PCDH15: variants seen among roughly 807,000 people sequenced by gnomAD.
PCDH15 encodes the protein protocadherin-15.
Under a neutral mutation model 178.5 loss-of-function variants are expected in PCDH15, and 129 were observed. The ratio of observed to expected loss-of-function variants is 0.72; its 90% CI spans 0.63 to 0.84. The LOEUF (loss-of-function observed/expected upper bound fraction) is 0.84. PCDH15 is among the 40% of genes least tolerant of loss of function. PCDH15 has a pLI of 0.00. For synonymous variants in PCDH15, 800 were observed against 732.0 expected (o/e 1.09, Z -1.50); for missense variants, 2,230 against 2,099.9 (o/e 1.06, Z -1.21).
chr10:55,243,892 G>A (rs776422225), intron 1 of PCDH15, among the ~76,000 whole-genome samples: 1 of 151,994 alleles, frequency 6.6e-6, no homozygotes, highest in Non-Finnish European at 1.5e-5. Context: ...AATGTGAATG[G>A]CTACTTCTCA....
intron 1 of PCDH15, among the ~76,000 whole-genome samples, chr10:55,284,013 A>G (rs1192484180): frequency 6.8e-6 from 1 of 146,544 alleles, no homozygotes; most frequent in African/African-American, 2.8e-5. Flanking sequence ...ATTAAACTCA[A>G]TCTTGACTCT....
intron 3 of PCDH15, chr10:54,486,451 C>T (rs972957092): frequency 1.3e-5 from 2 of 151,970 alleles, no homozygotes; most frequent in Admixed American, 1.3e-4. Context: ...CACATTTGTA[C>T]TTATGATGTA....
chr10:54,209,675 T>C (rs553711482), intron 10 of PCDH15, among the ~76,000 whole-genome samples: 1 of 152,200 alleles, frequency 6.6e-6, no homozygotes, highest in African/African-American at 2.4e-5. Flanking sequence ...TGAAAAGATG[T>C]CCGTAGGCAT....
intron 1 of PCDH15, among the ~76,000 whole-genome samples, chr10:55,290,130 C>T (rs1004480357): frequency 7.9e-5 from 12 of 151,782 alleles, no homozygotes; most frequent in Admixed American, 3.3e-4. Context: ...ACAAAGGCAT[C>T]TATCATTGTA....
At chr10:54,375,780 T>TATATA (rs1948304354) in intron 4 of PCDH15, among the ~76,000 whole-genome samples, 1 of 146,092 alleles carries the variant, frequency 6.8e-6, no homozygotes, top group African/African-American at 2.5e-5. Context: ...TATATATATA[T>TATATA]TTGAAATGGA....
intron 2 of PCDH15, among the ~76,000 whole-genome samples, chr10:55,140,427 TTGTAAAA>T (rs1263913534): frequency 6.6e-6 from 1 of 151,904 alleles, no homozygotes; most frequent in Non-Finnish European, 1.5e-5. Flanking sequence ...TCATAATTGG[TTGTAAAA>T]TTTTGTTAAA....
At chr10:55,398,922 G>A (rs887287750) in intron 2 of PCDH15, among the ~76,000 whole-genome samples, 4 of 151,942 alleles carry the variant, frequency 2.6e-5, no homozygotes, top group South Asian at 2.1e-4. Context: ...GAGAAAGAAC[G>A]CTCACATTCT....
intron 2 of PCDH15, among the ~76,000 whole-genome samples, chr10:55,031,035 T>C (rs981288207): frequency 4.6e-5 from 7 of 152,012 alleles, no homozygotes; most frequent in African/African-American, 1.7e-4. Context: ...ATGCTCAAAG[T>C]AGGCACACAA....
chr10:54,366,683 T>TC (rs5785072), intron 5 of PCDH15, among the ~76,000 whole-genome samples: 83,804 of 151,292 alleles, frequency 0.55, 24,077 homozygotes, highest in African/African-American at 0.64. Context: ...TTCTATTTTT[T>TC]TTTTGATGCT....
chr10:54,344,810 C>T (rs1343787612), intron 6 of PCDH15, among the ~76,000 whole-genome samples: 1 of 147,684 alleles, frequency 6.8e-6, no homozygotes, highest in Non-Finnish European at 1.5e-5. Flanking sequence ...TGTAACCCTT[C>T]ATACTGTCCT....
At chr10:54,069,571 G>A (rs116987123) in intron 17 of PCDH15, among the ~76,000 whole-genome samples, 3,550 of 152,156 alleles carry the variant, frequency 0.023, 54 homozygotes, top group East Asian at 0.038. Flanking sequence ...TATATTTCTT[G>A]AAGTTTTTTA....
intron 2 of PCDH15, among the ~76,000 whole-genome samples, chr10:55,601,930 G>C (rs142930122): frequency 6.6e-6 from 1 of 152,112 alleles, no homozygotes; most frequent in Non-Finnish European, 1.5e-5. Flanking sequence ...AGCTCCCAGC[G>C]TGAGCGACGC....
chr10:54,160,678 T>C (rs962700571), intron 13 of PCDH15, among the ~76,000 whole-genome samples: 1 of 152,206 alleles, frequency 6.6e-6, no homozygotes, highest in African/African-American at 2.4e-5. Context: ...CTTGTATTTA[T>C]AATTTATAGA....
At chr10:54,294,795 G>T (rs2059641035) in intron 8 of PCDH15, among the ~76,000 whole-genome samples, 1 of 152,096 alleles carries the variant, frequency 6.6e-6, no homozygotes, top group South Asian at 2.1e-4. Flanking sequence ...ACATTAAAAA[G>T]TAAACACTCC....
At chr10:55,050,571 T>C in intron 2 of PCDH15, among the ~76,000 whole-genome samples, 1 of 152,080 alleles carries the variant, frequency 6.6e-6, no homozygotes, top group East Asian at 1.9e-4. Flanking sequence ...TAGCTAAAAG[T>C]GCATCAAAAG....
intron 35 of PCDH15, among the ~76,000 whole-genome samples, chr10:53,815,748 A>G (rs1189758099): frequency 2.0e-5 from 3 of 151,832 alleles, no homozygotes; most frequent in Non-Finnish European, 4.4e-5. Flanking sequence ...TATTTATTAT[A>G]CAAAAAATAT....
In PCDH15 at chr10:54,020,380, G is replaced by A. The variant is rs138010738; in HGVS notation, c.2563C>T (p.Arg855Trp). Residue 855 changes from arginine to tryptophan, a missense_variant, in exon 20 of 38, where the codon CGG (arginine) becomes TGG (tryptophan). Arg to Trp is a moderately radical substitution (Grantham distance 101). Transcript: ENST00000644397. Reference protein sequence around the residue: ...DVDLGANVSYRIRSPEVKHFF... With the variant: ...DVDLGANVSYWIRSPEVKHFF... Reference sequence around the variant, plus strand: ...TGCTTCACTTCTGGGCTTCTTATCCGGTAAGACACATTTGCTCCAAGGTCG... The same window carrying A: ...TGCTTCACTTCTGGGCTTCTTATCCAGTAAGACACATTTGCTCCAAGGTCG... 417 of 1,613,736 alleles carry A rather than the reference G, an allele frequency of 2.6e-4. 1 individual carries two copies. In the African/African-American group the frequency reaches 3.6e-3, roughly 14 times the overall value.
chr10:54,356,440 A>T (rs1017431787), intron 5 of PCDH15, among the ~76,000 whole-genome samples: 1 of 151,912 alleles, frequency 6.6e-6, no homozygotes, highest in Non-Finnish European at 1.5e-5. Context: ...AAGAAGTTTC[A>T]TATTTTCAAC....
chr10:55,142,569 G>A, intron 2 of PCDH15, among the ~76,000 whole-genome samples: 1 of 69,680 alleles, frequency 1.4e-5, no homozygotes, highest in Non-Finnish European at 3.5e-5. Flanking sequence ...TACATAGATT[G>A]TGTGTATCTA....
Sources: allele counts gnomAD v4.1 joint callset (sites outside exome capture counted in the v4.1 genomes callset), GRCh38; gene constraint gnomAD v4.1.1; transcripts MANE v1.5; gene names NCBI Gene and HGNC (gene_info 2026-07-23, HGNC 2026-07-21).